Variants in INTU observed in about 807,000 individuals in gnomAD.
INTU encodes the protein inturned planar cell polarity protein, also known as protein inturned.
Under a neutral mutation model 100.5 loss-of-function variants are expected in INTU, and 68 were observed. The ratio of observed to expected loss-of-function variants is 0.68; its 90% confidence interval spans 0.56 to 0.83. The LOEUF (loss-of-function observed/expected upper bound fraction) is 0.83. Among genes scored for constraint, INTU ranks in the 40% least tolerant of loss-of-function variants. INTU has a pLI of 0.00. For synonymous variants in INTU, 357 were observed against 395.7 expected, an observed-to-expected ratio of 0.90 and a Z score of 1.16; for missense variants, 1,071 against 1,114.7, an observed-to-expected ratio of 0.96 and a Z score of 0.56.
At chr4:127,713,386 A>G (rs1294427924) in intron 14 of INTU, among the ~76,000 whole-genome samples, 2 of 152,242 alleles carry the variant, frequency 1.3e-5, no homozygotes, top group Non-Finnish European at 2.9e-5. Context: ...GAAACTTATA[A>G]GAAGCCTTTA....
chr4:127,641,634 G>T (rs1727339278), intron 1 of INTU, among the ~76,000 whole-genome samples: 1 of 151,952 alleles, frequency 6.6e-6, no homozygotes, highest in South Asian at 2.1e-4. Context: ...GGCTAAGCTG[G>T]GTGACTCTCC....
chr4:127,649,906 T>C (rs925119954), intron 2 of INTU, among the ~76,000 whole-genome samples: 13 of 152,212 alleles, frequency 8.5e-5, no homozygotes, highest in African/African-American at 3.1e-4. Context: ...GGTATGTCTA[T>C]ATTTCTATTA....
chr4:127,642,589 T>C (rs1026689652), intron 1 of INTU, among the ~76,000 whole-genome samples: 8 of 152,166 alleles, frequency 5.3e-5, no homozygotes, highest in Non-Finnish European at 1.0e-4. Flanking sequence ...GGCCGGGATA[T>C]TACAGCTCAT....
intron 15 of INTU, 123 bp from the exon 16 acceptor site, chr4:127,716,202 A>C (rs979217339): frequency 7.8e-6 from 4 of 514,388 alleles, no homozygotes; most frequent in Admixed American, 7.2e-5. Context: ...ATAGATTTAG[A>C]TTCATGGATT....
At position 127,721,313 on chromosome 4, in the gene INTU, G is replaced by T. The variant is rs946950987; in HGVS notation, c.*4877G>T. 6.6e-6 allele frequency: 1 copy of T among 152,070 alleles called. No homozygotes were observed. The highest frequency in any genetic ancestry group is 1.9e-4 in the East Asian group (1 of 5,196). 9.4% of individuals were successfully genotyped at this position (152,070 alleles called of 1,614,324 possible). A position where few individuals can be genotyped will look rare whatever the true frequency, so the allele number is the denominator to read the frequency against. On this transcript the variant is annotated 3_prime_UTR_variant, in exon 16 of 16. Transcript: ENST00000335251. ...GAAAATTGGCCCCCAACCTCTTCCA[G>T]CTTATAAGGTTTCTGCTGAGAGGTC...
At chr4:127,638,362 A>C (rs1385129910) in intron 1 of INTU, among the ~76,000 whole-genome samples, 1 of 152,236 alleles carries the variant, frequency 6.6e-6, no homozygotes, top group Non-Finnish European at 1.5e-5. Flanking sequence ...CAGATTTGGA[A>C]TAGTAGCAAG....
chr4:127,709,827 C>A (rs2148735545), intron 13 of INTU, among the ~76,000 whole-genome samples: 1 of 151,934 alleles, frequency 6.6e-6, no homozygotes, highest in East Asian at 1.9e-4. Context: ...TTAGAAAATT[C>A]TTTTTTTCTC....
intron 6 of INTU, among the ~76,000 whole-genome samples, chr4:127,678,057 A>G (rs1293515338): frequency 6.6e-6 from 1 of 152,202 alleles, no homozygotes; most frequent in Non-Finnish European, 1.5e-5. Flanking sequence ...GAGAAAAAAG[A>G]ATAAAAAGAA....
At chr4:127,650,971 G>C (rs568433495) in intron 2 of INTU, among the ~76,000 whole-genome samples, 4 of 151,766 alleles carry the variant, frequency 2.6e-5, no homozygotes, top group East Asian at 3.9e-4. Flanking sequence ...CTGATGGCCA[G>C]TGATGAGCAT....
chr4:127,707,882 T>C (rs947416386), intron 12 of INTU, among the ~76,000 whole-genome samples: 12 of 152,154 alleles, frequency 7.9e-5, no homozygotes, highest in Non-Finnish European at 1.3e-4. Flanking sequence ...TTCAAAACAT[T>C]TTTGAAACTT....
intron 9 of INTU, 22 bp from the exon 10 acceptor site, chr4:127,704,206 C>G (rs542787687): frequency 1.3e-6 from 2 of 1,579,538 alleles, no homozygotes; most frequent in African/African-American, 2.7e-5. Flanking sequence ...AATATAAAAT[C>G]CACTATGAAT....
intron 8 of INTU, among the ~76,000 whole-genome samples, chr4:127,697,032 A>AGT (rs1235932301): frequency 1.3e-5 from 2 of 152,204 alleles, no homozygotes; most frequent in African/African-American, 2.4e-5. Flanking sequence ...ATAGCACAGC[A>AGT]GTTTAATAGT....
intron 9 of INTU, among the ~76,000 whole-genome samples, chr4:127,701,849 T>G (rs1040282695): frequency 2.6e-5 from 4 of 152,054 alleles, no homozygotes; most frequent in Non-Finnish European, 4.4e-5. Context: ...AGATCGCCAG[T>G]GAAAGTGGGA....
chr4:127,657,365 G>T (rs991627118), intron 3 of INTU, among the ~76,000 whole-genome samples: 1 of 152,062 alleles, frequency 6.6e-6, no homozygotes, highest in African/African-American at 2.4e-5. Flanking sequence ...AGTATACCAT[G>T]AATACTCTGT....
At chr4:127,670,886 G>A (rs964535058) in intron 5 of INTU, among the ~76,000 whole-genome samples, 2 of 152,058 alleles carry the variant, frequency 1.3e-5, no homozygotes, top group African/African-American at 4.8e-5. Flanking sequence ...TCAATAAATG[G>A]TGCTGGGAAA....
In INTU at chr4:127,706,945, A is replaced by G; in HGVS notation, c.2247A>G (p.Leu749=). Residue 749 remains leucine (L), a synonymous_variant, in exon 12 of 16, where the codon TTA becomes TTG. Transcript: ENST00000335251. ...GAGAATCTCAGGGCTCTGATGGTTTAGAAGAAAGTGGGACCTTGCTTAAGG... is the reference window on the plus strand; with the variant it reads ...GAGAATCTCAGGGCTCTGATGGTTTGGAAGAAAGTGGGACCTTGCTTAAGG... ...KQRESQGSDG[L]EESGTLLKVT... 2 of 1,613,652 alleles carry G rather than the reference A, an allele frequency of 1.2e-6. No individual in the cohort carries two copies. The highest frequency in any genetic ancestry group is 2.2e-5 in the South Asian group (2 of 91,056).
At position 127,718,491 on chromosome 4, in the gene INTU, T is replaced by C. The variant is rs1228107606; in HGVS notation, c.*2055T>C. 6.6e-6 allele frequency: 1 copy of C among 152,164 alleles called. No individual in the cohort carries two copies. 9.4% of individuals were successfully genotyped at this position (152,164 alleles called of 1,614,324 possible). ...GCTCTTTTTTTGGTTCCATATAAAT[T>C]TTAAAATAGTTTTTTCTAATTCTAT... On this transcript the variant is annotated 3_prime_UTR_variant, in exon 16 of 16. Transcript: ENST00000335251.
chr4:127,688,596 A>G (rs1729943571), intron 8 of INTU, among the ~76,000 whole-genome samples: 1 of 152,212 alleles, frequency 6.6e-6, no homozygotes, highest in Admixed American at 6.5e-5. Flanking sequence ...CCTACTCTTC[A>G]TAAGACTCTA....
intron 2 of INTU, among the ~76,000 whole-genome samples, chr4:127,648,799 G>A (rs1727700270): frequency 6.6e-6 from 1 of 151,216 alleles, no homozygotes; most frequent in Non-Finnish European, 1.5e-5. Context: ...TTATATAGGA[G>A]AAATTAAACA....
Sources: gnomAD v4.1 joint callset for allele counts (sites outside exome capture counted in the v4.1 genomes callset) on GRCh38, gnomAD v4.1.1 for gene constraint, MANE v1.5 for transcripts, NCBI Gene and HGNC (gene_info 2026-07-23, HGNC 2026-07-21) for gene names.